The following RBM20 variants were observed in gnomAD, a reference collection of about 807,000 sequenced individuals.
RBM20 encodes the protein RNA-binding protein 20.
RBM20 carries 51 observed loss-of-function variants against 110.1 expected under a neutral mutation model. The observed-to-expected ratio is 0.46, with a 90% confidence interval of 0.37 to 0.59. The LOEUF (loss-of-function observed/expected upper bound fraction) is 0.59, where lower values mean the gene tolerates loss of function less well. Ranked by LOEUF, RBM20 falls within the 20% of genes least tolerant of loss-of-function variation. RBM20 has a pLI of 0.00. For missense variants in RBM20, 1,512 were observed against 1,574.9 expected, an observed-to-expected ratio of 0.96 and a Z score of 0.68; for synonymous variants, 589 against 618.2, an observed-to-expected ratio of 0.95 and a Z score of 0.70.
chr10:110,681,699 CAG>C (rs1346070133), intron 1 of RBM20, among the ~76,000 whole-genome samples: 1 of 152,154 alleles, frequency 6.6e-6, no homozygotes, highest in East Asian at 1.9e-4. Flanking sequence ...AAAAATAGTG[CAG>C]AGAGTTCCTG....
intron 1 of RBM20, among the ~76,000 whole-genome samples, chr10:110,728,455 C>T (rs1439455520): frequency 1.3e-5 from 2 of 152,142 alleles, no homozygotes; most frequent in African/African-American, 4.8e-5. Context: ...TGATTCTTTA[C>T]TAGACAGGTA....
At chr10:110,699,585 A>G (rs184008200) in intron 1 of RBM20, among the ~76,000 whole-genome samples, 2 of 152,170 alleles carry the variant, frequency 1.3e-5, no homozygotes, top group Non-Finnish European at 2.9e-5. Context: ...TAAAAAAACA[A>G]AACAACAACA....
intron 1 of RBM20, among the ~76,000 whole-genome samples, chr10:110,690,019 T>C (rs1564816490): frequency 6.6e-6 from 1 of 152,222 alleles, no homozygotes; most frequent in Non-Finnish European, 1.5e-5. Context: ...TGATATCAGT[T>C]ATCTTAAAAA....
At chr10:110,662,219 C>T (rs1181319367) in intron 1 of RBM20, among the ~76,000 whole-genome samples, 2 of 152,160 alleles carry the variant, frequency 1.3e-5, no homozygotes, top group Non-Finnish European at 2.9e-5. Flanking sequence ...CACTGAGAAG[C>T]TCTCCTTCCC....
At chr10:110,763,476 T>C (rs530789952) in intron 1 of RBM20, among the ~76,000 whole-genome samples, 119 of 152,190 alleles carry the variant, frequency 7.8e-4, no homozygotes, top group African/African-American at 2.8e-3. Context: ...CATCAGCCTG[T>C]CCCAGACAGG....
chr10:110,708,520 T>C (rs1309101330), intron 1 of RBM20, among the ~76,000 whole-genome samples: 1 of 152,212 alleles, frequency 6.6e-6, no homozygotes, highest in East Asian at 1.9e-4. Flanking sequence ...ACTTATTTAC[T>C]AGTTTCTGGT....
intron 1 of RBM20, among the ~76,000 whole-genome samples, chr10:110,763,757 T>C (rs965473064): frequency 1.3e-5 from 2 of 149,644 alleles, no homozygotes; most frequent in Non-Finnish European, 3.0e-5. Flanking sequence ...TTGGCTTTTT[T>C]TTTTTTTTTT....
intron 10 of RBM20, among the ~76,000 whole-genome samples, chr10:110,820,815 T>G (rs373153334): frequency 3.0e-4 from 45 of 152,180 alleles, no homozygotes; most frequent in African/African-American, 1.0e-3. Context: ...AAGGGGAAAG[T>G]TCTAGAAGGG....
intron 1 of RBM20, among the ~76,000 whole-genome samples, chr10:110,717,592 T>C (rs1044891743): frequency 6.6e-6 from 1 of 152,152 alleles, no homozygotes. Context: ...TCCCACCTGA[T>C]TTGAATCCCA....
At position 110,784,348 on chromosome 10, in the gene RBM20, A is replaced by G. The variant is rs1564845257; in HGVS notation, c.1345A>G (p.Ile449Val). The stretch of plus-strand genomic sequence containing the variant: ...CTTTCTCGCCCTCTCCAGTGCTGGC[A>G]TCCGGTGTATACTTGGTTCGGCAGA... ...KCLVFSENAG[I>V]RCILGSAEGT... Residue 449 changes from isoleucine to valine, a missense_variant, in exon 4 of 14, where the codon ATC becomes GTC. Coordinates refer to ENST00000369519, the MANE Select transcript of RBM20 (RefSeq NM_001134363.3). 1 of 1,550,714 alleles carries G rather than the reference A, an allele frequency of 6.4e-7. No homozygotes were observed. The highest frequency in any genetic ancestry group is 8.7e-7 in the Non-Finnish European group (1 of 1,146,536).
intron 5 of RBM20, among the ~76,000 whole-genome samples, chr10:110,795,724 A>G (rs1222702364): frequency 6.6e-6 from 1 of 152,222 alleles, no homozygotes; most frequent in Non-Finnish European, 1.5e-5. Flanking sequence ...AGGTTCGGAA[A>G]ATTATATCCT....
At chr10:110,663,154 C>T (rs189424814) in intron 1 of RBM20, among the ~76,000 whole-genome samples, 11 of 151,992 alleles carry the variant, frequency 7.2e-5, no homozygotes, top group Admixed American at 6.6e-5. Flanking sequence ...TTAGTAGAGT[C>T]GGGGCGTTGC....
At chr10:110,725,661 A>G (rs1170670631) in intron 1 of RBM20, among the ~76,000 whole-genome samples, 2 of 152,248 alleles carry the variant, frequency 1.3e-5, no homozygotes, top group African/African-American at 4.8e-5. Flanking sequence ...AAAAAAATAC[A>G]GAAACAGAGC....
chr10:110,789,742 C>T (rs1844461676), intron 5 of RBM20, among the ~76,000 whole-genome samples: 1 of 152,168 alleles, frequency 6.6e-6, no homozygotes, highest in African/African-American at 2.4e-5. Context: ...TGATTTGTGT[C>T]TGTCCTCAGC....
chr10:110,661,001 A>G (rs140012839), intron 1 of RBM20, among the ~76,000 whole-genome samples: 2 of 152,172 alleles, frequency 1.3e-5, no homozygotes, highest in Non-Finnish European at 2.9e-5. Flanking sequence ...TGCCCCCACC[A>G]CATAAGCTCT....
intron 1 of RBM20, among the ~76,000 whole-genome samples, chr10:110,697,465 A>T (rs770056268): frequency 1.3e-5 from 2 of 152,236 alleles, no homozygotes; most frequent in African/African-American, 2.4e-5. Flanking sequence ...TTCAGTGTGT[A>T]TTGAGCACTA....
At chr10:110,825,236 A>G (rs1481281798) in intron 12 of RBM20, among the ~76,000 whole-genome samples, 1 of 152,226 alleles carries the variant, frequency 6.6e-6, no homozygotes, top group Non-Finnish European at 1.5e-5. Flanking sequence ...GTCAGCAAAT[A>G]CTTACTGGAT....
intron 1 of RBM20, chr10:110,761,189 G>A (rs530457999): frequency 1.3e-5 from 2 of 151,554 alleles, no homozygotes; most frequent in South Asian, 4.2e-4. Context: ...TCTGATCTCA[G>A]AAGCTAAGCA....
intron 5 of RBM20, among the ~76,000 whole-genome samples, chr10:110,792,936 G>T (rs894016924): frequency 6.6e-6 from 1 of 152,226 alleles, no homozygotes; most frequent in Non-Finnish European, 1.5e-5. Flanking sequence ...GGAACAGGGA[G>T]TGGGAAAGAC....
Sources: gnomAD v4.1 joint callset for allele counts (sites outside exome capture counted in the v4.1 genomes callset) on GRCh38, gnomAD v4.1.1 for gene constraint, MANE v1.5 for transcripts, NCBI Gene and HGNC (gene_info 2026-07-23, HGNC 2026-07-21) for gene names.